The following SGMS1 variants were observed in gnomAD, a reference collection of about 807,000 sequenced individuals.
SGMS1 encodes sphingomyelin synthase 1.
In SGMS1, 13 loss-of-function variants were observed where a neutral mutation model predicts 46.2. That is an observed-to-expected ratio of 0.28 (90% confidence interval 0.18 to 0.45). The LOEUF (loss-of-function observed/expected upper bound fraction) is 0.45. Among genes scored for constraint, SGMS1 ranks in the 20% least tolerant of loss-of-function variants. SGMS1 has a pLI of 1.00. For missense variants in SGMS1, 324 were observed against 519.9 expected (o/e 0.62, Z 3.66); for synonymous variants, 203 against 187.8 (o/e 1.08, Z -0.66).
intron 3 of SGMS1, among the ~76,000 whole-genome samples, chr10:50,481,495 A>T (rs184654889): frequency 2.1e-4 from 32 of 152,242 alleles, no homozygotes; most frequent in African/African-American, 7.5e-4. Flanking sequence ...AACAACAACA[A>T]CATCAACAAA....
intron 6 of SGMS1, among the ~76,000 whole-genome samples, chr10:50,346,717 G>A (rs555179379): frequency 6.6e-6 from 1 of 151,890 alleles, no homozygotes; most frequent in Non-Finnish European, 1.5e-5. Context: ...GCTTGTCAGG[G>A]TGAGACAGGG....
At chr10:50,426,123 T>TA (rs996255547) in intron 6 of SGMS1, among the ~76,000 whole-genome samples, 35 of 152,318 alleles carry the variant, frequency 2.3e-4, no homozygotes, top group African/African-American at 8.4e-4. Context: ...GTTAAGTGGA[T>TA]AAAAATGATT....
At chr10:50,487,287 A>G (rs187248814) in intron 3 of SGMS1, among the ~76,000 whole-genome samples, 46 of 152,310 alleles carry the variant, frequency 3.0e-4, no homozygotes, top group African/African-American at 1.1e-3. Flanking sequence ...GAACAATGAG[A>G]ACACATGGAC....
chr10:50,513,759 T>C (rs1837777075), intron 3 of SGMS1, among the ~76,000 whole-genome samples: 1 of 152,204 alleles, frequency 6.6e-6, no homozygotes, highest in African/African-American at 2.4e-5. Context: ...ATAGTATTTA[T>C]AAACATTTTT....
At chr10:50,585,274 G>A (rs1838472932) in intron 2 of SGMS1, among the ~76,000 whole-genome samples, 1 of 152,124 alleles carries the variant, frequency 6.6e-6, no homozygotes, top group Non-Finnish European at 1.5e-5. Context: ...CATATGCTTG[G>A]CTTGCTTTAG....
At chr10:50,582,786 T>C (rs1390560285) in intron 2 of SGMS1, among the ~76,000 whole-genome samples, 1 of 152,258 alleles carries the variant, frequency 6.6e-6, no homozygotes, top group Non-Finnish European at 1.5e-5. Context: ...AATCCAGGCC[T>C]ACTTTCTAGT....
chr10:50,598,572 A>C (rs181469160), intron 1 of SGMS1, among the ~76,000 whole-genome samples: 1 of 152,304 alleles, frequency 6.6e-6, no homozygotes, highest in Admixed American at 6.5e-5. Context: ...AGAAGGGGTG[A>C]AATGTGAGGG....
At chr10:50,354,999 G>A (rs1848114355) in intron 6 of SGMS1, among the ~76,000 whole-genome samples, 1 of 152,236 alleles carries the variant, frequency 6.6e-6, no homozygotes, top group Admixed American at 6.5e-5. Context: ...TGGTGGGACT[G>A]TAAACTAGTT....
At chr10:50,312,760 A>G (rs957854202) in intron 8 of SGMS1, among the ~76,000 whole-genome samples, 1 of 152,214 alleles carries the variant, frequency 6.6e-6, no homozygotes, top group Non-Finnish European at 1.5e-5. Context: ...CTTTTCCAGG[A>G]ATCACAGAGG....
chr10:50,455,872 T>C (rs1312966187), intron 5 of SGMS1, among the ~76,000 whole-genome samples: 1 of 152,184 alleles, frequency 6.6e-6, no homozygotes, highest in Non-Finnish European at 1.5e-5. Flanking sequence ...CACTCACTGC[T>C]CTGATCACTA....
intron 3 of SGMS1, among the ~76,000 whole-genome samples, chr10:50,485,627 C>T (rs778436378): frequency 1.3e-5 from 2 of 152,122 alleles, no homozygotes; most frequent in African/African-American, 2.4e-5. Context: ...TTTCCGGGTG[C>T]GGTGGCTCAC....
chr10:50,607,890 C>T (rs1288422372), intron 1 of SGMS1, among the ~76,000 whole-genome samples: 2 of 152,024 alleles, frequency 1.3e-5, no homozygotes, highest in Non-Finnish European at 2.9e-5. Flanking sequence ...ATGGACAGAG[C>T]CAGCAAAAAT....
intron 6 of SGMS1, among the ~76,000 whole-genome samples, chr10:50,431,402 C>A (rs1344068973): frequency 6.6e-6 from 1 of 152,086 alleles, no homozygotes; most frequent in African/African-American, 2.4e-5. Context: ...TTGTAAGGTT[C>A]AATAAAAAAT....
chr10:50,624,956 C>T, upstream of SGMS1: 1 of 1,028,838 alleles, frequency 9.7e-7, no homozygotes. Flanking sequence ...CAGCCATCTT[C>T]CGCCCGGCCA....
chr10:50,455,020 C>A (rs1337006865), intron 5 of SGMS1, among the ~76,000 whole-genome samples: 1 of 152,196 alleles, frequency 6.6e-6, no homozygotes, highest in African/African-American at 2.4e-5. Context: ...CCCTGCCCAA[C>A]CCCTTTTGGA....
rs116403569 is a variant in SGMS1 at position 50,467,729 on chromosome 10, T to C, written c.-497-797A>G. Among the ~76,000 whole-genome samples the C allele has an allele frequency of 8.7e-3, 1,319 of 152,328 alleles. 18 individuals carry two copies. The highest frequency in any genetic ancestry group is 0.03 in the African/African-American group (1,256 of 41,580). On this transcript the variant is annotated intron_variant, in intron 3 of 10. Transcript: ENST00000361781. Reference sequence around the variant, plus strand: ...CTAGGTATAATTATTTAGGGATCTGTCTGGGAGTCTAAGAATCCCTGTATC... The same window carrying C: ...CTAGGTATAATTATTTAGGGATCTGCCTGGGAGTCTAAGAATCCCTGTATC...
chr10:50,462,059 C>A (rs1398992061), intron 4 of SGMS1, among the ~76,000 whole-genome samples: 1 of 151,826 alleles, frequency 6.6e-6, no homozygotes. Flanking sequence ...CCTATAATTG[C>A]AGCACTAGCC....
At chr10:50,344,737 C>T (rs1315537760) in intron 6 of SGMS1, among the ~76,000 whole-genome samples, 1 of 151,898 alleles carries the variant, frequency 6.6e-6, no homozygotes, top group African/African-American at 2.4e-5. Context: ...GGTGTGGTGG[C>T]GGGCGCCTGT....
intron 5 of SGMS1, among the ~76,000 whole-genome samples, chr10:50,439,583 T>C (rs1036307206): frequency 6.6e-6 from 1 of 152,110 alleles, no homozygotes; most frequent in Non-Finnish European, 1.5e-5. Flanking sequence ...AAAAATTCTG[T>C]TGGGGGAGAA....
Sources: gnomAD v4.1 joint callset for allele counts (sites outside exome capture counted in the v4.1 genomes callset) on GRCh38, gnomAD v4.1.1 for gene constraint, MANE v1.5 for transcripts, NCBI Gene and HGNC (gene_info 2026-07-23, HGNC 2026-07-21) for gene names.